The following WDR33 variants were observed in gnomAD, a reference collection of about 807,000 sequenced individuals.
WDR33 encodes pre-mRNA 3' end processing protein WDR33.
A neutral mutation model predicts 164.9 loss-of-function variants in WDR33; 47 were observed. The observed-to-expected ratio is 0.29, with a 90% CI of 0.23 to 0.36. The LOEUF (loss-of-function observed/expected upper bound fraction) is 0.36, where lower values mean the gene tolerates loss of function less well. Among genes scored for constraint, WDR33 ranks in the 10% least tolerant of loss-of-function variants. The probability of loss-of-function intolerance (pLI) is 1.00; values close to 1 mark genes in which losing one functional copy is unlikely to be tolerated. For missense variants in WDR33, 1,137 were observed against 1,754.1 expected (o/e 0.65, Z 6.28); for synonymous variants, 505 against 589.0 (o/e 0.86, Z 2.06).
rs1284442569 is a variant in WDR33, at chr2:127,764,737, G to A, written c.626+91C>T. ...GCAGAAAGTTTCCCAGAAACTGACA[G>A]AGCCCATGCATCTCTGCACCCAGAA... On this transcript the variant is annotated intron_variant, in intron 6 of 21. Coordinates refer to ENST00000322313, the MANE Select transcript of WDR33 (RefSeq NM_018383.5). The surrounding 1 kb of genome is among the most constrained non-coding windows in gnomAD (Gnocchi z 6.2). 3 of 1,614,108 alleles carry A rather than the reference G, an allele frequency of 1.9e-6. No individual in the cohort carries two copies. The East Asian group carries it at 6.7e-5, about 36-fold the overall frequency.
chr2:127,791,426 G>A (rs1251183158), intron 1 of WDR33, among the ~76,000 whole-genome samples: 1 of 152,236 alleles, frequency 6.6e-6, no homozygotes, highest in South Asian at 2.1e-4. Context: ...GTTTTTCACA[G>A]TTCTAGAAGC....
chr2:127,777,696 G>A (rs1345399428), intron 1 of WDR33, among the ~76,000 whole-genome samples: 3 of 152,142 alleles, frequency 2.0e-5, no homozygotes, highest in Non-Finnish European at 4.4e-5. Flanking sequence ...CACTACCACA[G>A]CTCACTGCAG....
chr2:127,736,978 C>T (rs933883549), intron 7 of WDR33: 29 of 985,098 alleles, frequency 2.9e-5, no homozygotes, highest in Non-Finnish European at 3.4e-5. Context: ...TGAAAAGGTA[C>T]AATATTATTC....
rs1359039056 is a variant in WDR33, at chr2:127,701,603, G to A, written c.*4720C>T. 14 of 1,348,138 alleles carry A rather than the reference G, an allele frequency of 1.0e-5. No homozygotes were observed. Among genetic ancestry groups the A allele is most frequent in the Non-Finnish European group, 3.8e-6 (4 of 1,051,818 alleles). The allele number at this position is 1,348,138 out of a possible 1,614,324, so 83.5% of individuals were successfully genotyped here. ...CTGGCGGCCCGGCGGCCGCGGAGCC[G>A]CTGCTCGCCGCGGAGAAGGCGGAGG... On this transcript the variant is annotated 3_prime_UTR_variant, in exon 22 of 22. Transcript: ENST00000322313.
At chr2:127,737,129 T>C in intron 7 of WDR33, 1 of 985,194 alleles carries the variant, frequency 1.0e-6, no homozygotes, top group East Asian at 1.1e-4. Flanking sequence ...AAAATTTACA[T>C]TTTTTTAAAG....
At position 127,763,540 on chromosome 2, in the gene WDR33, C is replaced by T. The variant is rs1687739816; in HGVS notation, c.627-381G>A. The T allele has an allele frequency of 1.6e-5, 16 of 1,023,358 alleles. No individual in the cohort carries two copies. The highest frequency in any genetic ancestry group is 1.9e-5 in the Non-Finnish European group (16 of 853,224). 63.4% of individuals were successfully genotyped at this position (1,023,358 alleles called of 1,614,324 possible). On this transcript the variant is annotated intron_variant, in intron 6 of 21. Transcript: ENST00000322313. This position sits in a 1 kb window ranked among gnomAD's most constrained non-coding sequence, Gnocchi z 4.5. ...CAGTCTTTTAAATCACACACGAATACTGCTCCCAAAATTATCATCAGCTTC... is the reference window on the plus strand; with the variant it reads ...CAGTCTTTTAAATCACACACGAATATTGCTCCCAAAATTATCATCAGCTTC...
chr2:127,782,633 T>C (rs1043860270), intron 1 of WDR33, among the ~76,000 whole-genome samples: 10 of 152,184 alleles, frequency 6.6e-5, no homozygotes, highest in African/African-American at 2.4e-4. Flanking sequence ...GATGGTTGCA[T>C]CTGTACTAAA....
intron 1 of WDR33, among the ~76,000 whole-genome samples, chr2:127,788,084 T>C (rs1573462158): frequency 2.8e-5 from 2 of 70,706 alleles, no homozygotes; most frequent in Admixed American, 1.3e-4. Flanking sequence ...CACCCCCACC[T>C]CCCTCCCGGA....
intron 1 of WDR33, among the ~76,000 whole-genome samples, chr2:127,804,579 A>G (rs1292384346): frequency 1.3e-5 from 2 of 152,216 alleles, no homozygotes; most frequent in African/African-American, 4.8e-5. Context: ...AGGGAGGAAT[A>G]AAGCAAATGT....
Position 127,725,196 on chromosome 2 carries a change from C to T in WDR33, c.871G>A (p.Val291Ile), listed in dbSNP as rs1013692965. The change falls in exon 9 of 22, where the codon GTA becomes ATA. Residue 291 changes from valine to isoleucine, a missense_variant. Val to Ile is a conservative substitution (Grantham distance 29, BLOSUM62 3). This residue lies in a region of WDR33 where 83 missense variants were observed against 189.2 expected (regional missense o/e 0.44). Transcript: ENST00000322313. ...LATLHAHKNT[V>I]MEVKLNLNGN... ...TTGAGGTTTAATTTCACTTCCATTA[C>T]TGTGTTTTTATGGGCATGACTAGAA... 1 of 1,609,368 alleles carries T rather than the reference C, an allele frequency of 6.2e-7. No individual in the cohort carries two copies.
rs149041568 is a variant in WDR33, at chr2:127,751,680, C to A, written c.724+11382G>T. ...CAAAAAAATTTTTTTAATATTACCACCACCAAAGTTTTGAAGTATTTAATA... is the reference window on the plus strand; with the variant it reads ...CAAAAAAATTTTTTTAATATTACCAACACCAAAGTTTTGAAGTATTTAATA... On this transcript the variant is annotated intron_variant, in intron 7 of 21. Coordinates refer to ENST00000322313, the MANE Select transcript of WDR33 (RefSeq NM_018383.5). 6.5e-3 allele frequency among the ~76,000 whole-genome samples: 983 copies of A among 152,246 alleles called. 5 individuals carry two copies. Among genetic ancestry groups the A allele is most frequent in the African/African-American group, 8.4e-3 (351 of 41,552 alleles).
chr2:127,766,253 T>C (rs1325684812), intron 4 of WDR33, among the ~76,000 whole-genome samples: 1 of 152,200 alleles, frequency 6.6e-6, no homozygotes, highest in Non-Finnish European at 1.5e-5. Context: ...AATCCTATTT[T>C]CCAAAAACTC....
intron 7 of WDR33, among the ~76,000 whole-genome samples, chr2:127,742,868 A>C (rs955151597): frequency 2.6e-5 from 4 of 150,980 alleles, no homozygotes; most frequent in African/African-American, 9.8e-5. Context: ...GTTAAAAAAA[A>C]AAAAACAAAA....
chr2:127,753,860 A>C (rs1274672740), intron 7 of WDR33, among the ~76,000 whole-genome samples: 1 of 152,206 alleles, frequency 6.6e-6, no homozygotes, highest in Non-Finnish European at 1.5e-5. Context: ...CAAAATGTAA[A>C]GAACAGTAAA....
In WDR33 at chr2:127,738,766, G is replaced by C. The variant is rs1686926432; in HGVS notation, c.725-11989C>G. Among the ~76,000 whole-genome samples the C allele has an allele frequency of 6.6e-6, 1 of 152,182 alleles. No homozygotes were observed. The stretch of plus-strand genomic sequence containing the variant: ...ACAACTTCTCATCAACACACTAGCT[G>C]CAAGAAGAGAGTGGGGCTACTCAGG... On this transcript the variant is annotated intron_variant, in intron 7 of 21. Transcript: ENST00000322313. This position sits in a 1 kb window ranked among gnomAD's most constrained non-coding sequence, Gnocchi z 4.4.
At chr2:127,775,965 A>G (rs983469135) in intron 1 of WDR33, among the ~76,000 whole-genome samples, 9 of 152,234 alleles carry the variant, frequency 5.9e-5, no homozygotes, top group African/African-American at 1.7e-4. Context: ...GGCTCCATCT[A>G]TACCTTATAC....
At position 127,717,065 on chromosome 2, in the gene WDR33, T is replaced by C. The variant is rs1182909910; in HGVS notation, c.2869+90A>G. The C allele has an allele frequency of 2.3e-6, 3 of 1,310,480 alleles. No homozygotes were observed. The highest frequency in any genetic ancestry group is 3.2e-6 in the Non-Finnish European group (3 of 927,884). The allele number at this position is 1,310,480 out of a possible 1,614,324, so 81.2% of individuals were successfully genotyped here. A position where few individuals can be genotyped will look rare whatever the true frequency, so the allele number is the denominator to read the frequency against. The stretch of plus-strand genomic sequence containing the variant: ...TGCCCAGAGGTTCAAATGACCAGTC[T>C]ATCAATGACTGGCCAACAAAATTAT... On this transcript the variant is annotated intron_variant, in intron 17 of 21. Transcript: ENST00000322313. This position sits in a 1 kb window ranked among gnomAD's most constrained non-coding sequence, Gnocchi z 5.6.
rs550905829 is a variant in WDR33 at position 127,723,527 on chromosome 2, G to A, written c.1197-180C>T. 6.6e-6 allele frequency among the ~76,000 whole-genome samples: 1 copy of A among 152,308 alleles called. No homozygotes were observed. Among genetic ancestry groups the A allele is most frequent in the Admixed American group, 6.5e-5 (1 of 15,300 alleles). ...TGTAATCCCAGCACTTTGGGAGGCT[G>A]TGGCAGGAGGATTAAGTCCAGGAGT... On this transcript the variant is annotated intron_variant, in intron 11 of 21. Transcript: ENST00000322313. The surrounding 1 kb of genome is among the most constrained non-coding windows in gnomAD (Gnocchi z 5.9).
chr2:127,769,908 G>A (rs1395931981), intron 2 of WDR33, among the ~76,000 whole-genome samples: 2 of 152,112 alleles, frequency 1.3e-5, no homozygotes, highest in South Asian at 2.1e-4. Flanking sequence ...GAACTCTAAC[G>A]GGAAACTGCA....
Sources: allele counts gnomAD v4.1 joint callset (sites outside exome capture counted in the v4.1 genomes callset), GRCh38; gene constraint gnomAD v4.1.1; regional missense constraint gnomAD v4.1.1; non-coding constraint Gnocchi (gnomAD v3.1); transcripts MANE v1.5; gene names NCBI Gene and HGNC (gene_info 2026-07-23, HGNC 2026-07-21).